STIMATE: variants seen among roughly 807,000 people sequenced by gnomAD.
STIMATE encodes store-operated calcium entry regulator STIMATE.
STIMATE carries 15 observed loss-of-function variants against 36.7 expected under a neutral mutation model. The observed-to-expected ratio is 0.41, with a 90% CI of 0.27 to 0.63. STIMATE has a LOEUF of 0.63. Ranked by LOEUF, STIMATE falls within the 20% of genes least tolerant of loss-of-function variation. The pLI is 0.32. For missense variants in STIMATE, 305 were observed against 397.3 expected (o/e 0.77, Z 1.98); for synonymous variants, 163 against 162.3 (o/e 1.00, Z -0.03).
At chr3:52,842,471 C>G (rs373713234) in intron 7 of STIMATE, among the ~76,000 whole-genome samples, 1 of 152,226 alleles carries the variant, frequency 6.6e-6, no homozygotes, top group African/African-American at 2.4e-5. Flanking sequence ...GCTTGAAGAT[C>G]AACCATTAGG....
At position 52,836,981 on chromosome 3, in the gene STIMATE, C is replaced by G; in HGVS notation, c.*3513G>C. On this transcript the variant is annotated 3_prime_UTR_variant, in exon 8 of 8. Coordinates refer to ENST00000355083, the MANE Select transcript of STIMATE (RefSeq NM_198563.5). ...ACCCAACCAACCAACCACCAACCAA[C>G]CCAGGAGCTCAAGGTGCTTGTGGCA... 5.4e-6 allele frequency: 1 copy of G among 186,280 alleles called. No individual in the cohort carries two copies. Among genetic ancestry groups the G allele is most frequent in the Non-Finnish European group, 1.1e-5 (1 of 87,814 alleles). The allele number at this position is 186,280 out of a possible 1,614,324, so 11.5% of individuals were successfully genotyped here. A position where few individuals can be genotyped will look rare whatever the true frequency, so the allele number is the denominator to read the frequency against.
chr3:52,874,821 G>A (rs553187068), intron 1 of STIMATE, among the ~76,000 whole-genome samples: 40 of 152,180 alleles, frequency 2.6e-4, no homozygotes, highest in Non-Finnish European at 4.7e-4. Flanking sequence ...CAGCCTGGGC[G>A]ACAGAGGGAG....
chr3:52,873,732 G>A (rs1701450153), intron 1 of STIMATE, among the ~76,000 whole-genome samples: 1 of 152,148 alleles, frequency 6.6e-6, no homozygotes, highest in African/African-American at 2.4e-5. Context: ...GCTAATGAGG[G>A]CTTGTTAGTG....
chr3:52,894,318 G>A (rs62253583), intron 1 of STIMATE, among the ~76,000 whole-genome samples: 81,678 of 151,480 alleles, frequency 0.54, 23,025 homozygotes, highest in Non-Finnish European at 0.63. Context: ...ATGTGTGTGG[G>A]TGGTGCCTGT....
intron 1 of STIMATE, chr3:52,895,951 T>G: frequency 7.8e-7 from 1 of 1,289,720 alleles, no homozygotes; most frequent in African/African-American, 1.5e-5. Context: ...TGTCACAAAT[T>G]ATTACTGTGG....
At chr3:52,874,491 A>ATTC (rs1246670933) in intron 1 of STIMATE, among the ~76,000 whole-genome samples, 3 of 152,196 alleles carry the variant, frequency 2.0e-5, no homozygotes, top group African/African-American at 7.2e-5. Flanking sequence ...CAGTGAACTG[A>ATTC]ACTTTCACTT....
At chr3:52,891,578 A>G (rs1292108130) in intron 1 of STIMATE, among the ~76,000 whole-genome samples, 1 of 152,216 alleles carries the variant, frequency 6.6e-6, no homozygotes, top group African/African-American at 2.4e-5. Context: ...AGATTAGGTC[A>G]AGGAAGATTA....
intron 1 of STIMATE, among the ~76,000 whole-genome samples, chr3:52,868,980 C>T (rs768870412): frequency 6.6e-6 from 1 of 152,150 alleles, no homozygotes; most frequent in African/African-American, 2.4e-5. Context: ...AAAGTATCAT[C>T]TCTATTTTAC....
intron 1 of STIMATE, among the ~76,000 whole-genome samples, chr3:52,896,146 A>C (rs541977862): frequency 4.6e-5 from 7 of 152,268 alleles, no homozygotes; most frequent in African/African-American, 1.7e-4. Context: ...GAATTCACTC[A>C]AAGAAACCCC....
At chr3:52,876,109 G>A (rs1247356101) in intron 1 of STIMATE, among the ~76,000 whole-genome samples, 3 of 152,204 alleles carry the variant, frequency 2.0e-5, no homozygotes, top group Non-Finnish European at 4.4e-5. Flanking sequence ...CAGCAATACT[G>A]GTGGCCCTAG....
At chr3:52,846,934 C>T (rs1700917811) in intron 4 of STIMATE, among the ~76,000 whole-genome samples, 1 of 152,174 alleles carries the variant, frequency 6.6e-6, no homozygotes, top group South Asian at 2.1e-4. Flanking sequence ...GATGGGGTCT[C>T]ACTCTGTCAT....
At position 52,841,359 on chromosome 3, in the gene STIMATE, C is replaced by A. The variant is rs762217824; in HGVS notation, c.769-749G>T. Reference sequence around the variant, plus strand: ...GCATCTGTGGGCAGGGGGAGTTCAGCGTGGCTGCTCTGAGCCAACTCTGTA... The same window carrying A: ...GCATCTGTGGGCAGGGGGAGTTCAGAGTGGCTGCTCTGAGCCAACTCTGTA... On this transcript the variant is annotated intron_variant, in intron 7 of 7. Coordinates refer to ENST00000355083, the MANE Select transcript of STIMATE (RefSeq NM_198563.5). 2.6e-5 allele frequency among the ~76,000 whole-genome samples: 4 copies of A among 152,238 alleles called. No homozygotes were observed. In the South Asian group the frequency reaches 8.3e-4, roughly 32 times the overall value.
In STIMATE at chr3:52,863,198, C is replaced by T. The variant is rs146381403; in HGVS notation, c.161-7754G>A. On this transcript the variant is annotated intron_variant, in intron 1 of 7. Coordinates refer to ENST00000355083, the MANE Select transcript of STIMATE (RefSeq NM_198563.5). ...GAAATTCAGAGTACATGTATTAGTC[C>T]GCTGCTGATAAAGACATACCCGAGA... Among the ~76,000 whole-genome samples, 300 of 152,072 alleles carry T rather than the reference C, an allele frequency of 2.0e-3. 1 individual carries two copies. Among genetic ancestry groups the T allele is most frequent in the African/African-American group, 6.6e-3 (273 of 41,482 alleles).
At chr3:52,856,730 A>G (rs750877881) in intron 1 of STIMATE, among the ~76,000 whole-genome samples, 1 of 152,212 alleles carries the variant, frequency 6.6e-6, no homozygotes, top group Non-Finnish European at 1.5e-5. Context: ...AATTGAGCAG[A>G]CAGTGGATGT....
At chr3:52,873,676 G>A (rs183956466) in intron 1 of STIMATE, among the ~76,000 whole-genome samples, 1 of 152,318 alleles carries the variant, frequency 6.6e-6, no homozygotes, top group East Asian at 1.9e-4. Context: ...CCAGGATGCA[G>A]AATTTGACCT....
intron 1 of STIMATE, among the ~76,000 whole-genome samples, chr3:52,879,019 G>A (rs930770926): frequency 6.6e-6 from 1 of 152,164 alleles, no homozygotes; most frequent in Non-Finnish European, 1.5e-5. Context: ...GGAACACTGG[G>A]CTTTACCTTA....
intron 1 of STIMATE, among the ~76,000 whole-genome samples, chr3:52,859,407 C>A (rs1701166886): frequency 7.5e-6 from 1 of 133,212 alleles, no homozygotes; most frequent in African/African-American, 2.8e-5. Context: ...TGGCTCAAAC[C>A]TGTAATCCCA....
intron 1 of STIMATE, 102 bp downstream of exon 1, chr3:52,897,189 G>C (rs1037107969): frequency 1.3e-4 from 178 of 1,423,648 alleles, no homozygotes; most frequent in Middle Eastern, 2.4e-4. Context: ...GGAGCAATTC[G>C]GGTCCCAAGG....
rs78040209 is a variant in STIMATE, at chr3:52,883,809, T to C, written c.160+13482A>G. Among the ~76,000 whole-genome samples, 855 of 152,332 alleles carry C rather than the reference T, an allele frequency of 5.6e-3. 9 individuals are homozygous for C. The highest frequency in any genetic ancestry group is 0.02 in the African/African-American group (818 of 41,590). On this transcript the variant is annotated intron_variant, in intron 1 of 7. Transcript: ENST00000355083. ...TTTCTATTTTCCATTGTGCTTATTATTTTTCTTTAAAACTTTAGCATATTT... is the reference window on the plus strand; with the variant it reads ...TTTCTATTTTCCATTGTGCTTATTACTTTTCTTTAAAACTTTAGCATATTT...
Sources: allele counts gnomAD v4.1 joint callset (sites outside exome capture counted in the v4.1 genomes callset), GRCh38; gene constraint gnomAD v4.1.1; transcripts MANE v1.5; gene names NCBI Gene and HGNC (gene_info 2026-07-23, HGNC 2026-07-21).